INHBA: variants seen among roughly 807,000 people sequenced by gnomAD.
The protein encoded by INHBA is inhibin subunit beta A, also known as inhibin beta A chain.
INHBA carries 1 observed loss-of-function variant against 29.0 expected under a neutral mutation model. The ratio of observed to expected loss-of-function variants is 0.03; its 90% CI spans 0.01 to 0.16. INHBA has a LOEUF of 0.16. INHBA is among the 10% of genes least tolerant of loss of function. The probability of loss-of-function intolerance (pLI) is 1.00; values close to 1 mark genes in which losing one functional copy is unlikely to be tolerated. For synonymous variants in INHBA, 242 were observed against 216.8 expected (o/e 1.12, Z -1.02); for missense variants, 376 against 545.4 (o/e 0.69, Z 3.09).
chr7:41,700,494 TCCTTC>T lies in INHBA; in HGVS notation c.-125_-121del. ...ATTTTTTTTTTTGGTGTTTTTTTTT[TCCTTC>T]TCCTCTTCAGCAAATTCTCTGGAAC... On this transcript the variant is annotated 5_prime_UTR_variant, in exon 2 of 3. Coordinates refer to ENST00000242208, the MANE Select transcript of INHBA (RefSeq NM_002192.4). 9.1e-6 allele frequency: 9 copies of T among 991,204 alleles called. No homozygotes were observed. Among genetic ancestry groups the T allele is most frequent in the South Asian group, 2.5e-5 (1 of 39,928 alleles). 61.4% of individuals were successfully genotyped at this position (991,204 alleles called of 1,614,324 possible). A position where few individuals can be genotyped will look rare whatever the true frequency, so the allele number is the denominator to read the frequency against.
intron 2 of INHBA, among the ~76,000 whole-genome samples, chr7:41,696,070 C>A (rs1794640743): frequency 6.6e-6 from 1 of 152,182 alleles, no homozygotes; most frequent in South Asian, 2.1e-4. Flanking sequence ...TCTCCACACC[C>A]TCAGTTCGGA....
chr7:41,704,529 C>A (rs1388491828), upstream of INHBA, among the ~76,000 whole-genome samples: 3 of 151,906 alleles, frequency 2.0e-5, no homozygotes, highest in Admixed American at 6.6e-5. Context: ...GAGTCAATGA[C>A]CTTCAGGGCA....
Position 41,700,426 on chromosome 7 carries a change from T to TC in INHBA, c.-53dup, listed in dbSNP as rs761026549. The TC allele has an allele frequency of 5.2e-6, 7 of 1,356,944 alleles. No individual in the cohort carries two copies. Among genetic ancestry groups the TC allele is most frequent in the Non-Finnish European group, 5.7e-6 (6 of 1,048,710 alleles). 84.1% of individuals were successfully genotyped at this position (1,356,944 alleles called of 1,614,324 possible). A position where few individuals can be genotyped will look rare whatever the true frequency, so the allele number is the denominator to read the frequency against. On this transcript the variant is annotated 5_prime_UTR_variant, in exon 2 of 3. Coordinates refer to ENST00000242208, the MANE Select transcript of INHBA (RefSeq NM_002192.4). ...CCTTTTTAAAAGGCCCTGCTTTTCC[T>TC]CCCCCCTCACGCGCAGGTTTTTTTG...
At position 41,688,837 on chromosome 7, in the gene INHBA, C is replaced by CA. The variant is rs982468853; in HGVS notation, c.*812dup. ...AAAATTAATCAGATTACTTCCAATA[C>CA]AAAAAAGTCTCTCTTTTTGTTCTCT... On this transcript the variant is annotated 3_prime_UTR_variant, in exon 3 of 3. Coordinates refer to ENST00000242208, the MANE Select transcript of INHBA (RefSeq NM_002192.4). The CA allele has an allele frequency of 1.6e-4, 35 of 219,030 alleles. No homozygotes were observed. Among genetic ancestry groups the CA allele is most frequent in the African/African-American group, 7.4e-4 (33 of 44,548 alleles). The allele number at this position is 219,030 out of a possible 1,614,324, so 13.6% of individuals were successfully genotyped here. A position where few individuals can be genotyped will look rare whatever the true frequency, so the allele number is the denominator to read the frequency against.
rs1459613513 is a variant in INHBA, at chr7:41,694,276, G to A, written c.389-3734C>T. ...CTCGGAATGTCCTAGGTATGAAAAAGATAATAAATAACAGGTCAATTTATT... is the reference window on the plus strand; with the variant it reads ...CTCGGAATGTCCTAGGTATGAAAAAAATAATAAATAACAGGTCAATTTATT... On this transcript the variant is annotated intron_variant, in intron 2 of 2. Coordinates refer to ENST00000242208, the MANE Select transcript of INHBA (RefSeq NM_002192.4). Among the ~76,000 whole-genome samples the A allele has an allele frequency of 1.3e-5, 2 of 152,138 alleles. 1 individual carries two copies. The highest frequency in any genetic ancestry group is 6.3e-3 in the Middle Eastern group (2 of 316).
At chr7:41,692,890 A>G (rs1167682367) in intron 2 of INHBA, among the ~76,000 whole-genome samples, 1 of 152,240 alleles carries the variant, frequency 6.6e-6, no homozygotes. Context: ...AATCATTTAA[A>G]TCTAAAAAGG....
intron 1 of INHBA, among the ~76,000 whole-genome samples, chr7:41,701,643 C>T (rs1010570234): frequency 1.3e-5 from 2 of 152,172 alleles, no homozygotes; most frequent in Non-Finnish European, 2.9e-5. Flanking sequence ...TTACAGCCTA[C>T]CACCACTCGC....
chr7:41,700,241 T>C lies in INHBA; in HGVS notation c.134A>G (p.Lys45Arg), dbSNP rs953665038. The C allele has an allele frequency of 1.2e-5, 20 of 1,612,120 alleles. No homozygotes were observed. The East Asian group carries it at 4.0e-4, about 32-fold the overall frequency. Reference protein sequence around the residue: ...CPSCALAALPKDVPNSQPEMV... With the variant: ...CPSCALAALPRDVPNSQPEMV... ...CTCTGGCTGAGAGTTGGGTACATCC[T>C]TTGGGAGGGCGGCCAGCGCACAGGA... The change falls in exon 2 of 3, where the codon AAG (lysine) becomes AGG (arginine). Residue 45 changes from lysine (K) to arginine (R), a missense_variant. Lys to Arg is a conservative substitution (Grantham distance 26, BLOSUM62 2). This residue lies in a region of INHBA where 71 missense variants were observed against 77.0 expected (regional missense o/e 0.92). Transcript: ENST00000242208.
Position 41,700,250 on chromosome 7 carries a change from G to C in INHBA, c.125C>G (p.Ala42Gly). 6.2e-7 allele frequency: 1 copy of C among 1,611,122 alleles called. No homozygotes were observed. Among genetic ancestry groups the C allele is most frequent in the Non-Finnish European group, 8.5e-7 (1 of 1,178,106 alleles). The change falls in exon 2 of 3, where the codon GCC becomes GGC. Residue 42 changes from alanine (A) to glycine (G), a missense_variant. By Grantham distance (60) the Ala-to-Gly change is moderately conservative. Coordinates refer to ENST00000242208, the MANE Select transcript of INHBA (RefSeq NM_002192.4). ...APDCPSCALA[A>G]LPKDVPNSQP... ...AGAGTTGGGTACATCCTTTGGGAGG[G>C]CGGCCAGCGCACAGGACGGACAGTC...
At chr7:41,705,084 G>T (rs1794885250), upstream of INHBA, among the ~76,000 whole-genome samples, 1 of 152,188 alleles carries the variant, frequency 6.6e-6, no homozygotes, top group South Asian at 2.1e-4. Flanking sequence ...GGTTAAAATA[G>T]CTTCTGTGGA....
chr7:41,690,403 G>C lies in INHBA; in HGVS notation c.528C>G (p.Phe176Leu). 1 of 1,614,104 alleles carries C rather than the reference G, an allele frequency of 6.2e-7. No homozygotes were observed. Among genetic ancestry groups the C allele is most frequent in the Non-Finnish European group, 8.5e-7 (1 of 1,180,028 alleles). The change falls in exon 3 of 3, where the codon TTC (phenylalanine) becomes TTG (leucine). Residue 176 changes from phenylalanine (F) to leucine (L), a missense_variant. Transcript: ENST00000242208. Reference protein sequence around the residue: ...RTRTKVTIRLFQQQKHPQGSL... With the variant: ...RTRTKVTIRLLQQQKHPQGSL... ...TGCCCTGCGGGTGCTTCTGCTGCTG[G>C]AAGAGGCGGATGGTGACTTTGGTCC...
intron 2 of INHBA, chr7:41,694,055 A>G (rs1030480475): frequency 6.6e-6 from 1 of 152,210 alleles, no homozygotes; most frequent in Non-Finnish European, 1.5e-5. Context: ...GAAGAGAGAG[A>G]TTCAAGTCTT....
In INHBA at chr7:41,686,025, C is replaced by T. The variant is rs1239270258; in HGVS notation, c.*3625G>A. The T allele has an allele frequency of 1.3e-5, 2 of 151,880 alleles. No homozygotes were observed. Among genetic ancestry groups the T allele is most frequent in the Non-Finnish European group, 2.9e-5 (2 of 67,946 alleles). The allele number at this position is 151,880 out of a possible 1,614,324, so 9.4% of individuals were successfully genotyped here. On this transcript the variant is annotated 3_prime_UTR_variant, in exon 3 of 3. Transcript: ENST00000242208. ...AATACAACTGAGACATATTTGTTCT[C>T]TGTTTTTTTAGAGTCACCTCTTAAA...
chr7:41,700,444 T>C lies in INHBA; in HGVS notation c.-70A>G. 1 of 1,350,478 alleles carries C rather than the reference T, an allele frequency of 7.4e-7. No homozygotes were observed. Among genetic ancestry groups the C allele is most frequent in the Non-Finnish European group, 9.7e-7 (1 of 1,033,014 alleles). The allele number at this position is 1,350,478 out of a possible 1,614,324, so 83.7% of individuals were successfully genotyped here. On this transcript the variant is annotated 5_prime_UTR_variant, in exon 2 of 3. Coordinates refer to ENST00000242208, the MANE Select transcript of INHBA (RefSeq NM_002192.4). ...CTTTTCCTCCCCCCTCACGCGCAGG[T>C]TTTTTTGTGTGTGTGGATTTTTTTA...
chr7:41,700,468 TA>T lies in INHBA; in HGVS notation c.-95del, dbSNP rs1454144944. 4.1e-5 allele frequency: 50 copies of T among 1,218,684 alleles called. No individual in the cohort carries two copies. Among genetic ancestry groups the T allele is most frequent in the East Asian group, 1.8e-4 (7 of 39,054 alleles). The allele number at this position is 1,218,684 out of a possible 1,614,324, so 75.5% of individuals were successfully genotyped here. A position where few individuals can be genotyped will look rare whatever the true frequency, so the allele number is the denominator to read the frequency against. On this transcript the variant is annotated 5_prime_UTR_variant, in exon 2 of 3. Coordinates refer to ENST00000242208, the MANE Select transcript of INHBA (RefSeq NM_002192.4). ...GTTTTTTTGTGTGTGTGGATTTTTT[TA>T]TTTTTTTTTTTGGTGTTTTTTTTTT...
chr7:41,693,456 T>G (rs1207234229), intron 2 of INHBA, among the ~76,000 whole-genome samples: 1 of 152,220 alleles, frequency 6.6e-6, no homozygotes, highest in African/African-American at 2.4e-5. Flanking sequence ...GACAGCCGTG[T>G]GCAAATTGCT....
chr7:41,694,860 T>C (rs929866798), intron 2 of INHBA, among the ~76,000 whole-genome samples: 7 of 152,178 alleles, frequency 4.6e-5, no homozygotes, highest in African/African-American at 1.7e-4. Flanking sequence ...TCACAGGGAA[T>C]ACCTCTGAAA....
rs1794447391 is a variant in INHBA at position 41,689,337 on chromosome 7, C to G, written c.*313G>C. The G allele has an allele frequency of 3.3e-6, 1 of 307,668 alleles. No homozygotes were observed. Among genetic ancestry groups the G allele is most frequent in the South Asian group, 9.9e-5 (1 of 10,068 alleles). The allele number at this position is 307,668 out of a possible 1,614,324, so 19.1% of individuals were successfully genotyped here. A position where few individuals can be genotyped will look rare whatever the true frequency, so the allele number is the denominator to read the frequency against. On this transcript the variant is annotated 3_prime_UTR_variant, in exon 3 of 3. Coordinates refer to ENST00000242208, the MANE Select transcript of INHBA (RefSeq NM_002192.4). ...ACCTCAAGGGGGGAAAGGACAATAC[C>G]CCGTTTAAACAACTGATGTCATCAG...
In INHBA at chr7:41,697,232, T is replaced by C. The variant is rs1794669665; in HGVS notation, c.388+2755A>G. ...AACATTGAGGGTTTTGTGCCAGCCA[T>C]GCAAAGAACACACTAACCTTGGTGA... On this transcript the variant is annotated intron_variant, in intron 2 of 2. Coordinates refer to ENST00000242208, the MANE Select transcript of INHBA (RefSeq NM_002192.4). 1.3e-5 allele frequency among the ~76,000 whole-genome samples: 2 copies of C among 152,210 alleles called. 1 individual carries two copies. The highest frequency in any genetic ancestry group is 4.1e-4 in the South Asian group (2 of 4,834).
Sources: allele counts gnomAD v4.1 joint callset (sites outside exome capture counted in the v4.1 genomes callset), GRCh38; gene constraint gnomAD v4.1.1; regional missense constraint gnomAD v4.1.1; transcripts MANE v1.5; gene names NCBI Gene and HGNC (gene_info 2026-07-23, HGNC 2026-07-21).